CDHR3: variants seen among roughly 807,000 people sequenced by gnomAD.
CDHR3 encodes the protein cadherin-related family member 3.
Under a neutral mutation model 86.6 loss-of-function variants are expected in CDHR3, and 79 were observed. That is an observed-to-expected ratio of 0.91 (90% CI 0.76 to 1.10). The LOEUF (loss-of-function observed/expected upper bound fraction) is 1.10, where lower values mean the gene tolerates loss of function less well. CDHR3 is among the 50% of genes least tolerant of loss of function. The pLI is 0.00. For synonymous variants in CDHR3, 421 were observed against 402.4 expected (o/e 1.05, Z -0.55); for missense variants, 1,081 against 1,077.6 (o/e 1.00, Z -0.04).
At chr7:105,992,384 T>G (rs1291018366) in intron 4 of CDHR3, among the ~76,000 whole-genome samples, 1 of 152,232 alleles carries the variant, frequency 6.6e-6, no homozygotes, top group Non-Finnish European at 1.5e-5. Flanking sequence ...AAGGCTCTGC[T>G]CAAAGACAGA....
At chr7:105,969,496 C>T (rs1260266840) in intron 1 of CDHR3, among the ~76,000 whole-genome samples, 1 of 150,828 alleles carries the variant, frequency 6.6e-6, no homozygotes, top group East Asian at 2.0e-4. Context: ...TTATTGATAA[C>T]AGTGGGATTG....
chr7:106,015,794 G>A, intron 10 of CDHR3, 133 bp from the exon 11 acceptor site: 1 of 711,400 alleles, frequency 1.4e-6, no homozygotes, highest in Non-Finnish European at 2.5e-6. Context: ...TAAAAGGCAG[G>A]AGCTCCCATG....
intron 4 of CDHR3, among the ~76,000 whole-genome samples, chr7:105,991,402 T>A (rs1831339647): frequency 6.6e-6 from 1 of 151,642 alleles, no homozygotes; most frequent in Non-Finnish European, 1.5e-5. Context: ...AAAAAAAAAA[T>A]CAAGATTCCA....
chr7:106,006,862 G>A (rs932750800), intron 8 of CDHR3, among the ~76,000 whole-genome samples: 2 of 152,206 alleles, frequency 1.3e-5, no homozygotes, highest in Non-Finnish European at 2.9e-5. Flanking sequence ...TAGGGACTTC[G>A]TGTGGGGACT....
chr7:106,019,465 G>A (rs112269056), intron 12 of CDHR3, among the ~76,000 whole-genome samples: 106 of 151,474 alleles, frequency 7.0e-4, no homozygotes, highest in African/African-American at 2.4e-3. Flanking sequence ...ATTTATTCCC[G>A]GGCTCAGAAA....
At chr7:106,027,887 G>A (rs776738758) in intron 16 of CDHR3, among the ~76,000 whole-genome samples, 1 of 152,076 alleles carries the variant, frequency 6.6e-6, no homozygotes, top group African/African-American at 2.4e-5. Context: ...CACTCTGGGA[G>A]GCCAAGGCTA....
At chr7:105,993,688 AAAAAAAAAAAAAAAAAAG>A (rs968750910) in intron 4 of CDHR3, among the ~76,000 whole-genome samples, 17 of 111,924 alleles carry the variant, frequency 1.5e-4, no homozygotes, top group African/African-American at 5.8e-4. Flanking sequence ...AAAAAAAAAA[AAAAAAAAAAAAAAAAAAG>A]AAGAAGAAGA....
At position 106,016,550 on chromosome 7, in the gene CDHR3, C is replaced by T. The variant is rs73718702; in HGVS notation, c.1426+525C>T. On this transcript the variant is annotated intron_variant, in intron 11 of 18. Coordinates refer to ENST00000317716, the MANE Select transcript of CDHR3 (RefSeq NM_152750.5). ...TAAGGAAAAGACTCACTCCCCACTT[C>T]CAGCTTCACTTTCTGCCTCCCTCTC... Among the ~76,000 whole-genome samples the T allele has an allele frequency of 2.0e-3, 298 of 152,276 alleles. 2 individuals carry two copies. Among genetic ancestry groups the T allele is most frequent in the African/African-American group, 6.7e-3 (279 of 41,548 alleles).
chr7:106,004,781 G>A (rs1833710528), intron 8 of CDHR3, 94 bp downstream of exon 8: 2 of 1,229,026 alleles, frequency 1.6e-6, no homozygotes, highest in Non-Finnish European at 2.3e-6. Flanking sequence ...AGAATTATAA[G>A]CATTTGGAGA....
At chr7:105,994,671 T>C (rs1831903824) in intron 4 of CDHR3, 80 bp from the exon 5 acceptor site, 4 of 951,614 alleles carry the variant, frequency 4.2e-6, no homozygotes, top group East Asian at 5.2e-5. Flanking sequence ...GAACATAAAA[T>C]AGGAAATGAG....
At chr7:105,993,147 G>T (rs935254552) in intron 4 of CDHR3, among the ~76,000 whole-genome samples, 1 of 152,170 alleles carries the variant, frequency 6.6e-6, no homozygotes, top group Non-Finnish European at 1.5e-5. Flanking sequence ...GAGATCTAAG[G>T]CCTTGAGGAT....
intron 9 of CDHR3, 74 bp from the exon 10 acceptor site, chr7:106,015,037 A>G (rs1835371490): frequency 8.1e-7 from 1 of 1,234,402 alleles, no homozygotes; most frequent in Admixed American, 2.1e-5. Flanking sequence ...CTAGCAGTAT[A>G]TGAAAATGTC....
At chr7:105,986,249 G>T (rs1478072383) in intron 4 of CDHR3, among the ~76,000 whole-genome samples, 2 of 152,184 alleles carry the variant, frequency 1.3e-5, no homozygotes, top group African/African-American at 2.4e-5. Context: ...GATGACCAGG[G>T]ATTCTTAATG....
Position 106,034,173 on chromosome 7 carries a change from C to T in CDHR3, c.*1476C>T, listed in dbSNP as rs1838722453. 6.6e-6 allele frequency among the ~76,000 whole-genome samples: 1 copy of T among 152,180 alleles called. No individual in the cohort carries two copies. The highest frequency in any genetic ancestry group is 1.5e-5 in the Non-Finnish European group (1 of 68,044). On this transcript the variant is annotated 3_prime_UTR_variant, in exon 19 of 19. Coordinates refer to ENST00000317716, the MANE Select transcript of CDHR3 (RefSeq NM_152750.5). Reference sequence around the variant, plus strand: ...TCAGACTTCCACCTGTAGGCATGAGCAATGAACTGGGAATAAATGGTATTA... The same window carrying T: ...TCAGACTTCCACCTGTAGGCATGAGTAATGAACTGGGAATAAATGGTATTA...
intron 8 of CDHR3, among the ~76,000 whole-genome samples, chr7:106,005,692 C>T (rs986828431): frequency 2.6e-5 from 4 of 152,176 alleles, no homozygotes; most frequent in African/African-American, 9.7e-5. Flanking sequence ...GGACAAAGGA[C>T]CCTAGACCAG....
chr7:105,988,017 A>G (rs1830776134), intron 4 of CDHR3, among the ~76,000 whole-genome samples: 1 of 152,038 alleles, frequency 6.6e-6, no homozygotes, highest in African/African-American at 2.4e-5. Flanking sequence ...CAGCCTTCCA[A>G]GTAGCTGGGA....
rs764954340 is a variant in CDHR3 at position 106,032,637 on chromosome 7, A to G, written c.2598A>G (p.Pro866=). 2.5e-6 allele frequency: 4 copies of G among 1,613,742 alleles called. No individual in the cohort carries two copies. In the South Asian group the frequency reaches 4.4e-5, roughly 18 times the overall value. Residue 866 remains proline, a synonymous_variant, in exon 19 of 19, where the codon CCA becomes CCG. Coordinates refer to ENST00000317716, the MANE Select transcript of CDHR3 (RefSeq NM_152750.5). ...ATGAGGGTGGCAAGCTGGGCAACCC[A>G]AAGAACAGAAATCCAGCCTTCATGA... is the stretch of plus-strand genomic sequence containing the variant. ...SRNEGGKLGN[P]KNRNPAFMNR...
intron 17 of CDHR3, among the ~76,000 whole-genome samples, chr7:106,029,179 C>G (rs558986510): frequency 6.6e-6 from 1 of 152,018 alleles, no homozygotes; most frequent in African/African-American, 2.4e-5. Flanking sequence ...TGGGGTTTCA[C>G]CATGTTGGCC....
intron 15 of CDHR3, among the ~76,000 whole-genome samples, chr7:106,025,796 C>A (rs1417675264): frequency 6.6e-6 from 1 of 152,124 alleles, no homozygotes; most frequent in Admixed American, 6.5e-5. Context: ...ACCTTGACTT[C>A]AAGGTAAGAA....
Sources: gnomAD v4.1 joint callset for allele counts (sites outside exome capture counted in the v4.1 genomes callset) on GRCh38, gnomAD v4.1.1 for gene constraint, MANE v1.5 for transcripts, NCBI Gene and HGNC (gene_info 2026-07-23, HGNC 2026-07-21) for gene names.